ECHDC1: variants seen among roughly 807,000 people sequenced by gnomAD.
ECHDC1 encodes ethylmalonyl-CoA decarboxylase 1, also known as ethylmalonyl-CoA decarboxylase.
Under a neutral mutation model 29.7 loss-of-function variants are expected in ECHDC1, and 29 were observed. The observed-to-expected ratio is 0.98, with a 90% CI of 0.73 to 1.33. The LOEUF is 1.33. ECHDC1 is among the 40% of genes most tolerant of loss of function. ECHDC1 has a pLI of 0.00. For synonymous variants in ECHDC1, 126 were observed against 123.1 expected (o/e 1.02, Z -0.15); for missense variants, 328 against 350.0 (o/e 0.94, Z 0.50).
chr6:127,338,485 A>G (rs1379834666), intron 1 of ECHDC1, among the ~76,000 whole-genome samples: 3 of 152,128 alleles, frequency 2.0e-5, no homozygotes, highest in African/African-American at 7.2e-5. Flanking sequence ...CTTTAGGTAT[A>G]AATGAATCCA....
chr6:127,312,569 T>C (rs924922681), intron 5 of ECHDC1, among the ~76,000 whole-genome samples: 1 of 152,132 alleles, frequency 6.6e-6, no homozygotes, highest in African/African-American at 2.4e-5. Context: ...ACCCCAGCAA[T>C]TCCACTCTTA....
At chr6:127,294,401 C>T (rs774002170) in intron 5 of ECHDC1, 3 of 152,146 alleles carry the variant, frequency 2.0e-5, no homozygotes, top group East Asian at 1.9e-4. Context: ...CTTGTTCACA[C>T]GTATATTTTC....
chr6:127,299,059 G>A (rs969974895), intron 5 of ECHDC1, among the ~76,000 whole-genome samples: 1 of 150,964 alleles, frequency 6.6e-6, no homozygotes, highest in Non-Finnish European at 1.5e-5. Flanking sequence ...TATTTTTTGT[G>A]TCTCACTATG....
rs770299947 is a variant in ECHDC1, at chr6:127,302,399, C to CT, written c.498-12123dup. On this transcript the variant is annotated intron_variant, in intron 5 of 5. Coordinates refer to ENST00000454859, the MANE Select transcript of ECHDC1 (RefSeq NM_001002030.2). ...GCACACTTGCATGTAGCTTAAGATT[C>CT]TTTTTTTTTTTCTTTTTGAGACAGA... Among the ~76,000 whole-genome samples, 920 of 147,264 alleles carry CT rather than the reference C, an allele frequency of 6.2e-3. 7 individuals are homozygous for CT. The highest frequency in any genetic ancestry group is 6.6e-3 in the Non-Finnish European group (439 of 66,284).
chr6:127,299,974 A>G (rs1004077876), intron 5 of ECHDC1, among the ~76,000 whole-genome samples: 1 of 152,182 alleles, frequency 6.6e-6, no homozygotes, highest in African/African-American at 2.4e-5. Context: ...GTAGCCTAGG[A>G]GCAATAAGCT....
chr6:127,326,237 G>A (rs1783320953), intron 3 of ECHDC1, among the ~76,000 whole-genome samples: 1 of 152,104 alleles, frequency 6.6e-6, no homozygotes, highest in African/African-American at 2.4e-5. Context: ...GTTCTCATGA[G>A]ACCTTGTTGT....
chr6:127,288,961 A>G lies in ECHDC1; in HGVS notation c.*908T>C, dbSNP rs1233346965. 6.6e-6 allele frequency: 1 copy of G among 152,106 alleles called. No individual in the cohort carries two copies. The highest frequency in any genetic ancestry group is 1.9e-4 in the East Asian group (1 of 5,186). The allele number at this position is 152,106 out of a possible 1,614,324, so 9.4% of individuals were successfully genotyped here. A position where few individuals can be genotyped will look rare whatever the true frequency, so the allele number is the denominator to read the frequency against. Reference sequence around the variant, plus strand: ...TGACCTCTTGTGATGAGTCAGAACTAGAACTTAATTCTTTGACTTTCACAT... The same window carrying G: ...TGACCTCTTGTGATGAGTCAGAACTGGAACTTAATTCTTTGACTTTCACAT... On this transcript the variant is annotated 3_prime_UTR_variant, in exon 6 of 6. Transcript: ENST00000454859.
At chr6:127,327,219 A>G in intron 2 of ECHDC1, 75 bp from the exon 3 acceptor site, 1 of 1,510,964 alleles carries the variant, frequency 6.6e-7, no homozygotes, top group South Asian at 1.2e-5. Flanking sequence ...ATAAATCACA[A>G]GTGTCAAGCA....
chr6:127,331,692 A>C (rs1783966641), intron 1 of ECHDC1: 1 of 481,158 alleles, frequency 2.1e-6, no homozygotes, highest in Admixed American at 6.4e-5. Flanking sequence ...ATGCTTCTTC[A>C]TTCTCCAACT....
At chr6:127,299,538 T>C (rs1405144583) in intron 5 of ECHDC1, among the ~76,000 whole-genome samples, 1 of 151,974 alleles carries the variant, frequency 6.6e-6, no homozygotes, top group African/African-American at 2.4e-5. Flanking sequence ...AATACTTTCG[T>C]TCAGCTGTAA....
At chr6:127,304,316 G>A (rs1447456811) in intron 5 of ECHDC1, among the ~76,000 whole-genome samples, 1 of 152,186 alleles carries the variant, frequency 6.6e-6, no homozygotes, top group Non-Finnish European at 1.5e-5. Flanking sequence ...ATCTCCAGAA[G>A]TCTGCAAGAA....
chr6:127,303,034 G>A (rs966775249), intron 5 of ECHDC1, among the ~76,000 whole-genome samples: 4 of 151,808 alleles, frequency 2.6e-5, no homozygotes, highest in Non-Finnish European at 5.9e-5. Context: ...TTCTGTAAAC[G>A]GTCTTATATA....
At chr6:127,304,509 T>C (rs1781297029) in intron 5 of ECHDC1, among the ~76,000 whole-genome samples, 1 of 152,066 alleles carries the variant, frequency 6.6e-6, no homozygotes, top group African/African-American at 2.4e-5. Context: ...CATCTACAAG[T>C]ACCAAGGCCG....
intron 5 of ECHDC1, among the ~76,000 whole-genome samples, chr6:127,291,972 A>G (rs1582921447): frequency 6.6e-6 from 1 of 152,150 alleles, no homozygotes; most frequent in Non-Finnish European, 1.5e-5. Flanking sequence ...ATTTATCACA[A>G]TATTGTAAGA....
intron 5 of ECHDC1, among the ~76,000 whole-genome samples, chr6:127,301,671 A>C (rs1019485364): frequency 6.6e-6 from 1 of 152,232 alleles, no homozygotes; most frequent in African/African-American, 2.4e-5. Context: ...AATCCTCTCT[A>C]TTAGCCTCTA....
At chr6:127,306,044 G>C (rs1049735243) in intron 5 of ECHDC1, among the ~76,000 whole-genome samples, 4 of 149,012 alleles carry the variant, frequency 2.7e-5, no homozygotes, top group Admixed American at 2.7e-4. Context: ...CAAATGATCT[G>C]TTGTGTACCA....
chr6:127,292,194 T>G (rs1365380991), intron 5 of ECHDC1, among the ~76,000 whole-genome samples: 2 of 152,018 alleles, frequency 1.3e-5, no homozygotes, highest in Non-Finnish European at 2.9e-5. Flanking sequence ...CAGGAATAGA[T>G]TCATTTAGAA....
At chr6:127,296,645 T>C (rs542052549) in intron 5 of ECHDC1, among the ~76,000 whole-genome samples, 1 of 152,192 alleles carries the variant, frequency 6.6e-6, no homozygotes, top group Non-Finnish European at 1.5e-5. Flanking sequence ...ATAAGCAAAA[T>C]ATGAATAAAT....
intron 3 of ECHDC1, among the ~76,000 whole-genome samples, chr6:127,322,168 T>C (rs189455038): frequency 9.7e-4 from 148 of 151,882 alleles, no homozygotes; most frequent in African/African-American, 3.2e-3. Context: ...TAGCTGGGCA[T>C]GGTGGCCCAC....
Sources: gnomAD v4.1 joint callset for allele counts (sites outside exome capture counted in the v4.1 genomes callset) on GRCh38, gnomAD v4.1.1 for gene constraint, MANE v1.5 for transcripts, NCBI Gene and HGNC (gene_info 2026-07-23, HGNC 2026-07-21) for gene names.